Variants in NRG1 observed in about 807,000 individuals in gnomAD.
NRG1 encodes pro-neuregulin-1, membrane-bound isoform.
Under a neutral mutation model 63.8 loss-of-function variants are expected in NRG1, and 18 were observed. That is an observed-to-expected ratio of 0.28 (90% CI 0.19 to 0.42). NRG1 has a LOEUF of 0.42. Among genes scored for constraint, NRG1 ranks in the 10% least tolerant of loss-of-function variants. The probability of loss-of-function intolerance (pLI) is 1.00; values close to 1 mark genes in which losing one functional copy is unlikely to be tolerated. For synonymous variants in NRG1, 302 were observed against 301.3 expected, an observed-to-expected ratio of 1.00 and a Z score of -0.02; for missense variants, 762 against 814.7, an observed-to-expected ratio of 0.94 and a Z score of 0.79.
rs572618524 is a variant in NRG1, at chr8:31,866,290, C to G, written c.37+226859C>G. Among the ~76,000 whole-genome samples, 22 of 152,170 alleles carry G rather than the reference C, an allele frequency of 1.4e-4. No individual in the cohort carries two copies. The South Asian group carries it at 4.6e-3, about 32-fold the overall frequency. On this transcript the variant is annotated intron_variant, in intron 1 of 10. Transcript: ENST00000519301. ...AGAGGGGACTGAGGAAAAGTATTGC[C>G]CATACATGGAATTTGTGGAGACTCA...
intron 1 of NRG1, among the ~76,000 whole-genome samples, chr8:32,500,563 G>A (rs1827745179): frequency 6.6e-6 from 1 of 152,186 alleles, no homozygotes; most frequent in South Asian, 2.1e-4. Context: ...TAGTAGGACA[G>A]CCAATGTTTC....
chr8:32,585,317 G>A (rs898462612), intron 1 of NRG1, among the ~76,000 whole-genome samples: 3 of 152,178 alleles, frequency 2.0e-5, no homozygotes, highest in Non-Finnish European at 4.4e-5. Flanking sequence ...TTAACCCTGT[G>A]AGTTGATTGC....
chr8:31,643,187 G>A (rs903264269), intron 1 of NRG1, among the ~76,000 whole-genome samples: 12 of 152,234 alleles, frequency 7.9e-5, no homozygotes, highest in African/African-American at 2.9e-4. Context: ...CTGGTCAGAA[G>A]ATTTCAGGGA....
intron 1 of NRG1, among the ~76,000 whole-genome samples, chr8:31,927,380 T>A (rs1398929343): frequency 6.6e-6 from 1 of 151,938 alleles, no homozygotes; most frequent in South Asian, 2.1e-4. Context: ...AATCTGAATT[T>A]TTTTTTCCTT....
At chr8:32,723,074 G>C in intron 5 of NRG1, among the ~76,000 whole-genome samples, 1 of 152,146 alleles carries the variant, frequency 6.6e-6, no homozygotes, top group South Asian at 2.1e-4. Flanking sequence ...TATGTCATTA[G>C]TAATAGTAAC....
At chr8:32,588,500 C>G (rs1339276442) in intron 1 of NRG1, among the ~76,000 whole-genome samples, 2 of 152,194 alleles carry the variant, frequency 1.3e-5, no homozygotes, top group Non-Finnish European at 2.9e-5. Context: ...AAGAAGCCAA[C>G]TCTGGCTGTA....
At chr8:32,163,671 A>G (rs1384108693) in intron 1 of NRG1, among the ~76,000 whole-genome samples, 1 of 152,184 alleles carries the variant, frequency 6.6e-6, no homozygotes, top group East Asian at 1.9e-4. Context: ...TCTTCAATTT[A>G]TGCCTAAAGT....
Position 32,044,953 on chromosome 8 carries a change from G to C in NRG1, c.37+405522G>C, listed in dbSNP as rs144123920. Among the ~76,000 whole-genome samples, 764 of 87,472 alleles carry C rather than the reference G, an allele frequency of 8.7e-3. 9 individuals are homozygous for C. Among genetic ancestry groups the C allele is most frequent in the African/African-American group, 0.029 (735 of 25,226 alleles). 57.4% of individuals were successfully genotyped at this position (87,472 alleles called of 152,430 possible). ...AAAACACACACACACAAAGCAATCA[G>C]AAGTAAAAATAATAAAGAGCATACA... On this transcript the variant is annotated intron_variant, in intron 1 of 10. Transcript: ENST00000519301.
At chr8:32,510,232 C>T (rs757801057) in intron 1 of NRG1, among the ~76,000 whole-genome samples, 1 of 151,720 alleles carries the variant, frequency 6.6e-6, no homozygotes, top group Non-Finnish European at 1.5e-5. Flanking sequence ...CATATTGCCT[C>T]GTGTCTATAA....
At chr8:31,908,721 A>C (rs2047849) in intron 1 of NRG1, among the ~76,000 whole-genome samples, 31,256 of 151,242 alleles carry the variant, frequency 0.21, 3,535 homozygotes, top group Non-Finnish European at 0.24. Flanking sequence ...AATATTGTAT[A>C]ATATCTGTGT....
intron 3 of NRG1, among the ~76,000 whole-genome samples, chr8:32,609,486 T>C (rs936642983): frequency 6.6e-5 from 10 of 151,940 alleles, no homozygotes; most frequent in Non-Finnish European, 1.5e-4. Context: ...CATGTCTTCC[T>C]AAATAGATAT....
intron 1 of NRG1, among the ~76,000 whole-genome samples, chr8:32,164,093 G>A (rs892006987): frequency 2.0e-5 from 3 of 151,656 alleles, no homozygotes; most frequent in Non-Finnish European, 4.4e-5. Context: ...CCTCACCTCC[G>A]GACCTTTTCA....
At chr8:32,348,048 C>T (rs1805138453) in intron 1 of NRG1, among the ~76,000 whole-genome samples, 2 of 152,102 alleles carry the variant, frequency 1.3e-5, no homozygotes, top group South Asian at 4.1e-4. Context: ...GTTGAGTGTC[C>T]AAGATGCCAC....
Position 31,672,756 on chromosome 8 carries a change from A to G in NRG1, c.37+33325A>G, listed in dbSNP as rs185064358. Among the ~76,000 whole-genome samples the G allele has an allele frequency of 6.2e-4, 95 of 152,290 alleles. 2 individuals are homozygous for G. Among genetic ancestry groups the G allele is most frequent in the African/African-American group, 2.0e-3 (85 of 41,578 alleles). On this transcript the variant is annotated intron_variant, in intron 1 of 10. Transcript: ENST00000519301. ...ACCAACAAGGAAAAATAATTTAACTATTATGATGACTCATTTAGTTGGCAT... is the reference window on the plus strand; with the variant it reads ...ACCAACAAGGAAAAATAATTTAACTGTTATGATGACTCATTTAGTTGGCAT...
intron 1 of NRG1, among the ~76,000 whole-genome samples, chr8:32,333,710 A>T (rs1802917826): frequency 6.6e-6 from 1 of 152,148 alleles, no homozygotes; most frequent in South Asian, 2.1e-4. Flanking sequence ...TTTTTGCTTA[A>T]AGATACGTAC....
chr8:32,743,534 T>C (rs888188788), intron 7 of NRG1, among the ~76,000 whole-genome samples: 1 of 146,448 alleles, frequency 6.8e-6, no homozygotes. Context: ...TATATGTGTG[T>C]GCGTGTATAT....
At position 32,187,552 on chromosome 8, in the gene NRG1, G is replaced by A. The variant is rs201725985; in HGVS notation, c.38-408276G>A. On this transcript the variant is annotated intron_variant, in intron 1 of 10. Coordinates refer to the NRG1 transcript ENST00000519301. ...TCACCCTCCATAAGTCTCACTGGAG[G>A]TTTGCTTCCTGCACAAGGAGACATG... is the stretch of plus-strand genomic sequence containing the variant. Among the ~76,000 whole-genome samples, 16 of 152,244 alleles carry A rather than the reference G, an allele frequency of 1.1e-4. No homozygotes were observed. The East Asian group carries it at 2.3e-3, about 22-fold the overall frequency.
chr8:31,659,963 T>A (rs757047450), intron 1 of NRG1, among the ~76,000 whole-genome samples: 1 of 152,164 alleles, frequency 6.6e-6, no homozygotes, highest in Non-Finnish European at 1.5e-5. Context: ...TCCCCAGAGA[T>A]TGGCATCATT....
At chr8:32,123,996 A>G (rs941054050) in intron 1 of NRG1, among the ~76,000 whole-genome samples, 3 of 151,986 alleles carry the variant, frequency 2.0e-5, no homozygotes, top group Non-Finnish European at 4.4e-5. Context: ...CTAAAACTAA[A>G]AAAAGGAAAT....
Sources: allele counts gnomAD v4.1 joint callset (sites outside exome capture counted in the v4.1 genomes callset), GRCh38; gene constraint gnomAD v4.1.1; transcripts MANE v1.5; gene names NCBI Gene and HGNC (gene_info 2026-07-23, HGNC 2026-07-21).